PCDH9: variants seen among roughly 807,000 people sequenced by gnomAD.
The protein encoded by PCDH9 is protocadherin 9.
In PCDH9, 24 loss-of-function variants were observed where a neutral mutation model predicts 70.6. That is an observed-to-expected ratio of 0.34 (90% CI 0.25 to 0.48). The LOEUF (loss-of-function observed/expected upper bound fraction) is 0.48, where lower values mean the gene tolerates loss of function less well. Among genes scored for constraint, PCDH9 ranks in the 20% least tolerant of loss-of-function variants. The pLI is 0.99. For missense variants in PCDH9, 1,281 were observed against 1,503.6 expected, an observed-to-expected ratio of 0.85 and a Z score of 2.45; for synonymous variants, 562 against 558.5, an observed-to-expected ratio of 1.01 and a Z score of -0.09.
intron 4 of PCDH9, among the ~76,000 whole-genome samples, chr13:66,344,241 C>G (rs1956178147): frequency 6.6e-6 from 1 of 152,094 alleles, no homozygotes; most frequent in African/African-American, 2.4e-5. Flanking sequence ...CTCCCAGGTT[C>G]AAGTGATTCT....
At chr13:67,045,364 T>C (rs2085202623) in intron 2 of PCDH9, among the ~76,000 whole-genome samples, 1 of 152,134 alleles carries the variant, frequency 6.6e-6, no homozygotes, top group Non-Finnish European at 1.5e-5. Flanking sequence ...TTCCTTTCAG[T>C]CCTTTCTCTT....
intron 4 of PCDH9, among the ~76,000 whole-genome samples, chr13:66,334,356 A>T (rs568492651): frequency 2.8e-4 from 43 of 152,254 alleles, no homozygotes; most frequent in African/African-American, 1.0e-3. Context: ...AAATGACAGG[A>T]TTTCATTCTT....
chr13:67,085,919 G>A (rs534208901), intron 2 of PCDH9, among the ~76,000 whole-genome samples: 21 of 152,184 alleles, frequency 1.4e-4, no homozygotes, highest in African/African-American at 3.9e-4. Flanking sequence ...TTCAGAATCC[G>A]TCAAGTGAAA....
intron 3 of PCDH9, among the ~76,000 whole-genome samples, chr13:66,640,715 G>T (rs2077697596): frequency 6.6e-6 from 1 of 152,318 alleles, no homozygotes; most frequent in Admixed American, 6.5e-5. Context: ...GGTTGAAGAA[G>T]TGATCTCGGC....
chr13:66,996,952 G>A (rs1057266512), intron 2 of PCDH9, among the ~76,000 whole-genome samples: 1 of 152,188 alleles, frequency 6.6e-6, no homozygotes, highest in African/African-American at 2.4e-5. Flanking sequence ...ATTGTGCTTT[G>A]AAGTGGTGGT....
In PCDH9 at chr13:66,470,704, C is replaced by G. The variant is rs181036051; in HGVS notation, c.3340+160506G>C. ...GGGATGCATGTAACATTGTACAGAA[C>G]AGACATGAGCTCTGAAATTAAAAAA... On this transcript the variant is annotated intron_variant, in intron 4 of 4. Coordinates refer to ENST00000377865, the MANE Select transcript of PCDH9 (RefSeq NM_203487.3). Among the ~76,000 whole-genome samples the G allele has an allele frequency of 1.7e-3, 248 of 148,702 alleles. 2 individuals carry two copies. Among genetic ancestry groups the G allele is most frequent in the African/African-American group, 6.1e-3 (246 of 40,470 alleles).
chr13:66,696,420 A>T (rs529629207), intron 3 of PCDH9, among the ~76,000 whole-genome samples: 1 of 152,332 alleles, frequency 6.6e-6, no homozygotes, highest in South Asian at 2.1e-4. Context: ...AAAGAACATA[A>T]GGTAAACGTC....
intron 3 of PCDH9, among the ~76,000 whole-genome samples, chr13:66,892,266 A>G (rs2082109579): frequency 6.7e-6 from 1 of 149,286 alleles, no homozygotes; most frequent in Non-Finnish European, 1.5e-5. Context: ...ACACACACGT[A>G]ATGTAAGTAG....
chr13:66,634,014 A>C (rs1228425851), intron 3 of PCDH9, among the ~76,000 whole-genome samples: 1 of 152,226 alleles, frequency 6.6e-6, no homozygotes, highest in Admixed American at 6.5e-5. Flanking sequence ...TTTCAAATAT[A>C]GCTTATTAGA....
chr13:66,735,190 A>G (rs1379383757), intron 3 of PCDH9, among the ~76,000 whole-genome samples: 1 of 152,234 alleles, frequency 6.6e-6, no homozygotes, highest in African/African-American at 2.4e-5. Context: ...GGCAGCTGAG[A>G]AATCTCCACA....
intron 3 of PCDH9, among the ~76,000 whole-genome samples, chr13:66,777,923 A>C (rs2079925615): frequency 6.6e-6 from 1 of 152,122 alleles, no homozygotes; most frequent in African/African-American, 2.4e-5. Flanking sequence ...AAAATGTGGC[A>C]CATATACACC....
intron 3 of PCDH9, among the ~76,000 whole-genome samples, chr13:66,860,665 C>T (rs935498712): frequency 5.3e-5 from 8 of 152,158 alleles, no homozygotes; most frequent in African/African-American, 1.9e-4. Flanking sequence ...AGTGGCAAAC[C>T]CCAGTGTCCT....
intron 2 of PCDH9, among the ~76,000 whole-genome samples, chr13:67,054,894 ATT>A (rs937520085): frequency 6.6e-6 from 1 of 152,178 alleles, no homozygotes; most frequent in African/African-American, 2.4e-5. Flanking sequence ...AAATACATAT[ATT>A]TGAAAGGGGA....
At chr13:66,819,683 A>G (rs925447507) in intron 3 of PCDH9, among the ~76,000 whole-genome samples, 1 of 152,140 alleles carries the variant, frequency 6.6e-6, no homozygotes, top group African/African-American at 2.4e-5. Context: ...GGAGGTCAGG[A>G]GTTAGACACC....
chr13:66,668,678 G>A lies in PCDH9; in HGVS notation c.3139-37267C>T, dbSNP rs998624335. On this transcript the variant is annotated intron_variant, in intron 3 of 4. Transcript: ENST00000377865. Reference sequence around the variant, plus strand: ...CGAGAGAGCCCTCTAAAAATTTCCAGAGAATCTGGCTTTCATCAGTGAAAA... The same window carrying A: ...CGAGAGAGCCCTCTAAAAATTTCCAAAGAATCTGGCTTTCATCAGTGAAAA... Among the ~76,000 whole-genome samples, 3 of 152,144 alleles carry A rather than the reference G, an allele frequency of 2.0e-5. No individual in the cohort carries two copies. In the South Asian group the frequency reaches 6.2e-4, roughly 32 times the overall value.
chr13:66,790,161 T>C (rs1226061053), intron 3 of PCDH9, among the ~76,000 whole-genome samples: 1 of 152,132 alleles, frequency 6.6e-6, no homozygotes, highest in Non-Finnish European at 1.5e-5. Context: ...TGTAAAACGG[T>C]ATTTCATTGT....
At chr13:67,221,750 A>G (rs1312928065) in intron 2 of PCDH9, 1 of 152,172 alleles carries the variant, frequency 6.6e-6, no homozygotes, top group African/African-American at 2.4e-5. Flanking sequence ...AATGCTGTCA[A>G]CTGGGTTGGG....
At chr13:67,203,841 T>G (rs904119205) in intron 2 of PCDH9, 2 of 152,028 alleles carry the variant, frequency 1.3e-5, no homozygotes, top group Non-Finnish European at 2.9e-5. Context: ...TTTGCAATAA[T>G]GACAGTCAAG....
rs146453607 is a variant in PCDH9 at position 66,322,829 on chromosome 13, T to C, written c.3341-17801A>G. On this transcript the variant is annotated intron_variant, in intron 4 of 4. Coordinates refer to ENST00000377865, the MANE Select transcript of PCDH9 (RefSeq NM_203487.3). ...TCACTCTCAGCTTTGCTAACAAAAC[T>C]AGATGTATAAAAAACATCTTTATAT... Among the ~76,000 whole-genome samples the C allele has an allele frequency of 1.4e-4, 22 of 152,130 alleles. No homozygotes were observed. In the East Asian group the frequency reaches 4.2e-3, roughly 29 times the overall value.
Sources: gnomAD v4.1 joint callset for allele counts (sites outside exome capture counted in the v4.1 genomes callset) on GRCh38, gnomAD v4.1.1 for gene constraint, MANE v1.5 for transcripts, NCBI Gene and HGNC (gene_info 2026-07-23, HGNC 2026-07-21) for gene names.